The following RALGPS2 variants were observed in gnomAD, a reference collection of about 807,000 sequenced individuals.
RALGPS2 encodes the protein Ral GEF with PH domain and SH3 binding motif 2.
In RALGPS2, 43 loss-of-function variants were observed where a neutral mutation model predicts 86.8. The observed-to-expected ratio is 0.50, with a 90% CI of 0.39 to 0.64. The LOEUF is 0.64. Ranked by LOEUF, RALGPS2 falls within the 30% of genes least tolerant of loss-of-function variation. The pLI is 0.00. For synonymous variants in RALGPS2, 243 were observed against 231.3 expected, an observed-to-expected ratio of 1.05 and a Z score of -0.46; for missense variants, 536 against 694.6, an observed-to-expected ratio of 0.77 and a Z score of 2.57.
chr1:178,731,756 C>T (rs147263559), intron 1 of RALGPS2, among the ~76,000 whole-genome samples: 100 of 152,120 alleles, frequency 6.6e-4, no homozygotes, highest in Non-Finnish European at 1.1e-3. Context: ...ATTTAGTGGG[C>T]GCTTTCAACC....
chr1:178,834,144 C>T (rs370340429), intron 8 of RALGPS2, among the ~76,000 whole-genome samples: 20 of 152,024 alleles, frequency 1.3e-4, no homozygotes, highest in East Asian at 9.7e-4. Context: ...ATGAATAATG[C>T]TTTGTTAGGT....
intron 6 of RALGPS2, among the ~76,000 whole-genome samples, chr1:178,819,669 A>C (rs900000720): frequency 6.6e-6 from 1 of 152,184 alleles, no homozygotes; most frequent in Admixed American, 6.5e-5. Context: ...CTAGCTTTAC[A>C]GTGAATTTTC....
intron 18 of RALGPS2, among the ~76,000 whole-genome samples, chr1:178,906,446 C>G (rs190793454): frequency 6.6e-6 from 1 of 152,118 alleles, no homozygotes; most frequent in East Asian, 1.9e-4. Flanking sequence ...GCAGTCTTAT[C>G]CACACAGATC....
chr1:178,853,681 T>C, intron 8 of RALGPS2: 1 of 1,613,224 alleles, frequency 6.2e-7, no homozygotes, highest in Non-Finnish European at 8.5e-7. Flanking sequence ...CCAAACTGTT[T>C]TCACACCATA....
intron 8 of RALGPS2, among the ~76,000 whole-genome samples, chr1:178,869,844 A>G (rs930186632): frequency 3.9e-5 from 6 of 152,096 alleles, no homozygotes; most frequent in Non-Finnish European, 1.5e-5. Context: ...GAGTAATTTT[A>G]TCTTTAATAG....
intron 1 of RALGPS2, among the ~76,000 whole-genome samples, chr1:178,768,045 A>G (rs1035669006): frequency 6.6e-6 from 1 of 152,114 alleles, no homozygotes; most frequent in African/African-American, 2.4e-5. Context: ...ATCTGGCCTG[A>G]TTTCTTTTTA....
chr1:178,850,915 A>T lies in RALGPS2; in HGVS notation c.607+17365A>T, dbSNP rs115329078. 599 of 395,560 alleles carry T rather than the reference A, an allele frequency of 1.5e-3. 5 individuals are homozygous for T. The highest frequency in any genetic ancestry group is 0.013 in the Middle Eastern group (21 of 1,568). The allele number at this position is 395,560 out of a possible 1,614,324, so 24.5% of individuals were successfully genotyped here. A position where few individuals can be genotyped will look rare whatever the true frequency, so the allele number is the denominator to read the frequency against. On this transcript the variant is annotated intron_variant, in intron 8 of 19. Coordinates refer to ENST00000367635, the MANE Select transcript of RALGPS2 (RefSeq NM_152663.5). ...TGTATTTAGTCAACATAATTTTTAA[A>T]ATAACTAGGTTGTGGATACACATAA...
intron 8 of RALGPS2, among the ~76,000 whole-genome samples, chr1:178,856,609 A>G (rs150345874): frequency 2.7e-5 from 4 of 150,856 alleles, no homozygotes; most frequent in African/African-American, 7.3e-5. Context: ...TCTGGGATAG[A>G]CTCAACTTAG....
intron 6 of RALGPS2, among the ~76,000 whole-genome samples, chr1:178,817,229 C>T (rs577261260): frequency 1.3e-5 from 2 of 151,316 alleles, no homozygotes; most frequent in East Asian, 3.9e-4. Context: ...CCTGTAATCC[C>T]AGCTACTCAG....
intron 13 of RALGPS2, among the ~76,000 whole-genome samples, chr1:178,888,228 C>T (rs1193520086): frequency 6.6e-6 from 1 of 152,058 alleles, no homozygotes; most frequent in Non-Finnish European, 1.5e-5. Context: ...AAGAACATTA[C>T]ACATAGGCAT....
intron 6 of RALGPS2, 97 bp from the exon 7 acceptor site, chr1:178,821,515 A>G: frequency 1.2e-6 from 1 of 858,286 alleles, no homozygotes; most frequent in Non-Finnish European, 1.9e-6. Context: ...ATGCTGGAAC[A>G]CTACCAGTTG....
Position 178,746,812 on chromosome 1 carries a change from A to G in RALGPS2, c.-84+21393A>G, listed in dbSNP as rs576425064. 8 of 1,082,406 alleles carry G rather than the reference A, an allele frequency of 7.4e-6. No homozygotes were observed. The African/African-American group carries it at 7.7e-5, about 10-fold the overall frequency. The allele number at this position is 1,082,406 out of a possible 1,614,324, so 67.1% of individuals were successfully genotyped here. ...ACATACGTTTCCGTAGAACACTCTC[A>G]TTGTTCTCCTCCATTGTATCTTGCA... On this transcript the variant is annotated intron_variant, in intron 1 of 19. Transcript: ENST00000367635.
At chr1:178,914,692 T>C (rs752120682) in intron 19 of RALGPS2, among the ~76,000 whole-genome samples, 6 of 152,214 alleles carry the variant, frequency 3.9e-5, no homozygotes, top group Non-Finnish European at 7.3e-5. Flanking sequence ...AAAATATTGT[T>C]GGAGTGGGCT....
At chr1:178,847,539 G>A (rs56322421) in intron 8 of RALGPS2, among the ~76,000 whole-genome samples, 222 of 151,992 alleles carry the variant, frequency 1.5e-3, no homozygotes, top group Non-Finnish European at 2.4e-3. Context: ...TGGAATCATT[G>A]TTTTCTTACT....
intron 8 of RALGPS2, chr1:178,865,531 C>T (rs1354334105): frequency 6.2e-7 from 1 of 1,614,102 alleles, no homozygotes; most frequent in African/African-American, 1.3e-5. Flanking sequence ...CAAGGTCCAT[C>T]CTGGTGATCA....
At chr1:178,879,229 G>A (rs1053603401) in intron 10 of RALGPS2, 4 of 359,342 alleles carry the variant, frequency 1.1e-5, no homozygotes, top group East Asian at 5.4e-5. Flanking sequence ...GAGAGCTAAC[G>A]TTTGATAGTT....
intron 7 of RALGPS2, among the ~76,000 whole-genome samples, chr1:178,826,474 A>G (rs546983310): frequency 6.6e-6 from 1 of 152,322 alleles, no homozygotes; most frequent in East Asian, 1.9e-4. Flanking sequence ...TATAATTCCT[A>G]TAATTCCACT....
intron 4 of RALGPS2, among the ~76,000 whole-genome samples, chr1:178,805,791 C>G (rs772932767): frequency 2.0e-5 from 3 of 152,110 alleles, no homozygotes; most frequent in Admixed American, 6.6e-5. Flanking sequence ...ACAATTTTGA[C>G]TAAGTAACTA....
intron 1 of RALGPS2, among the ~76,000 whole-genome samples, chr1:178,748,522 A>C (rs1322762237): frequency 6.6e-6 from 1 of 152,160 alleles, no homozygotes; most frequent in Admixed American, 6.5e-5. Flanking sequence ...TCACAACAAC[A>C]GGGATGAGGT....
Sources: allele counts gnomAD v4.1 joint callset (sites outside exome capture counted in the v4.1 genomes callset), GRCh38; gene constraint gnomAD v4.1.1; transcripts MANE v1.5; gene names NCBI Gene and HGNC (gene_info 2026-07-23, HGNC 2026-07-21).